The following LRRC7 variants were observed in gnomAD, a reference collection of about 807,000 sequenced individuals.
LRRC7 encodes leucine rich repeat containing 7, also known as leucine-rich repeat-containing protein 7.
Under a neutral mutation model 175.7 loss-of-function variants are expected in LRRC7, and 23 were observed. The ratio of observed to expected loss-of-function variants is 0.13; its 90% CI spans 0.09 to 0.19. The LOEUF (loss-of-function observed/expected upper bound fraction) is 0.19. Ranked by LOEUF, LRRC7 falls within the 10% of genes least tolerant of loss-of-function variation. LRRC7 has a pLI of 1.00. For synonymous variants in LRRC7, 685 were observed against 680.9 expected, an observed-to-expected ratio of 1.01 and a Z score of -0.09; for missense variants, 1,354 against 1,904.7, an observed-to-expected ratio of 0.71 and a Z score of 5.38.
At chr1:69,967,933 A>G (rs779111069) in intron 8 of LRRC7, among the ~76,000 whole-genome samples, 36 of 152,258 alleles carry the variant, frequency 2.4e-4, no homozygotes, top group Non-Finnish European at 4.3e-4. Context: ...CTCACCAGCA[A>G]TGGATCCAAA....
chr1:69,796,763 C>T (rs942551111), intron 4 of LRRC7, among the ~76,000 whole-genome samples: 13 of 151,880 alleles, frequency 8.6e-5, no homozygotes, highest in African/African-American at 3.1e-4. Context: ...CATTGCACTC[C>T]AGCCTGGGCA....
chr1:69,680,475 G>A (rs1253684659), intron 2 of LRRC7, among the ~76,000 whole-genome samples: 2 of 152,074 alleles, frequency 1.3e-5, no homozygotes, highest in African/African-American at 2.4e-5. Context: ...GGATTGTGAC[G>A]ATCAGGGAAG....
chr1:69,889,163 T>G (rs914408088), intron 7 of LRRC7, among the ~76,000 whole-genome samples: 1 of 152,220 alleles, frequency 6.6e-6, no homozygotes, highest in Admixed American at 6.5e-5. Flanking sequence ...AGAGGGTCTT[T>G]CCTTGATGTT....
intron 1 of LRRC7, among the ~76,000 whole-genome samples, chr1:69,610,722 A>G (rs1037366458): frequency 6.6e-6 from 1 of 152,074 alleles, no homozygotes; most frequent in African/African-American, 2.4e-5. Flanking sequence ...TTAATGTAAC[A>G]AGAAAACACA....
At chr1:70,086,942 A>G (rs1369668024) in intron 24 of LRRC7, among the ~76,000 whole-genome samples, 1 of 152,060 alleles carries the variant, frequency 6.6e-6, no homozygotes, top group Non-Finnish European at 1.5e-5. Flanking sequence ...GGCAGGTGGA[A>G]CTACTTATAT....
intron 1 of LRRC7, among the ~76,000 whole-genome samples, chr1:69,592,146 G>A (rs747241423): frequency 9.9e-5 from 15 of 151,736 alleles, no homozygotes; most frequent in East Asian, 1.9e-4. Flanking sequence ...TAACTCTCTC[G>A]TTTTATCTTT....
intron 3 of LRRC7, among the ~76,000 whole-genome samples, chr1:69,781,349 C>T (rs1044733341): frequency 5.9e-5 from 9 of 151,852 alleles, no homozygotes; most frequent in African/African-American, 2.2e-4. Context: ...TTCCAAAGCT[C>T]AGATCTGATC....
At chr1:70,064,863 G>T (rs920916075) in intron 23 of LRRC7, among the ~76,000 whole-genome samples, 1 of 151,814 alleles carries the variant, frequency 6.6e-6, no homozygotes, top group Admixed American at 6.6e-5. Flanking sequence ...GTGAATCTCA[G>T]AACAAAAAGA....
chr1:69,810,719 T>C (rs556331584), intron 4 of LRRC7, among the ~76,000 whole-genome samples: 67 of 152,336 alleles, frequency 4.4e-4, no homozygotes, highest in African/African-American at 1.6e-3. Context: ...TGGCTAGCCA[T>C]ATGCAGAAAA....
intron 7 of LRRC7, among the ~76,000 whole-genome samples, chr1:69,913,222 A>G (rs1388120051): frequency 6.6e-6 from 1 of 152,194 alleles, no homozygotes. Flanking sequence ...GGTCTTTCCA[A>G]TATTCTTTCA....
intron 1 of LRRC7, among the ~76,000 whole-genome samples, chr1:69,589,574 A>C (rs957960695): frequency 6.6e-6 from 1 of 152,104 alleles, no homozygotes; most frequent in Non-Finnish European, 1.5e-5. Context: ...AGGTTTGTAG[A>C]CTTCCAGGGT....
At chr1:69,677,865 A>G (rs1215753726) in intron 1 of LRRC7, among the ~76,000 whole-genome samples, 1 of 152,068 alleles carries the variant, frequency 6.6e-6, no homozygotes, top group Non-Finnish European at 1.5e-5. Context: ...GTGCTGATAA[A>G]TTTGGTTCCT....
At position 70,135,131 on chromosome 1, in the gene LRRC7, T is replaced by C. The variant is rs1380632717; in HGVS notation, c.*13244T>C. On this transcript the variant is annotated 3_prime_UTR_variant, in exon 27 of 27. Transcript: ENST00000651989. The stretch of plus-strand genomic sequence containing the variant: ...TATTTCTTTTTTCCTTTCTTTTCTT[T>C]TGCACTACCTCAGATTTTTGGTATC... 1.3e-5 allele frequency among the ~76,000 whole-genome samples: 2 copies of C among 152,186 alleles called. No individual in the cohort carries two copies. Among genetic ancestry groups the C allele is most frequent in the African/African-American group, 2.4e-5 (1 of 41,436 alleles).
intron 7 of LRRC7, among the ~76,000 whole-genome samples, chr1:69,925,386 T>C (rs1179837657): frequency 1.3e-5 from 2 of 152,198 alleles, no homozygotes; most frequent in African/African-American, 4.8e-5. Flanking sequence ...TACCAGTTCC[T>C]CCTTGTAGCT....
intron 1 of LRRC7, among the ~76,000 whole-genome samples, chr1:69,617,463 C>A (rs762004553): frequency 7.4e-6 from 1 of 135,228 alleles, no homozygotes; most frequent in Non-Finnish European, 1.5e-5. Context: ...TTTTGGGAGT[C>A]ATTTATAAGA....
intron 3 of LRRC7, among the ~76,000 whole-genome samples, chr1:69,762,739 AT>A (rs920754487): frequency 6.6e-6 from 1 of 152,080 alleles, no homozygotes; most frequent in Non-Finnish European, 1.5e-5. Context: ...TGGAAGAGAA[AT>A]TTTAAGATAT....
At chr1:69,617,877 G>A (rs986372867) in intron 1 of LRRC7, among the ~76,000 whole-genome samples, 4 of 152,056 alleles carry the variant, frequency 2.6e-5, no homozygotes, top group African/African-American at 7.2e-5. Context: ...ACGTGGGCCT[G>A]CAGCCCACAA....
At chr1:69,596,405 C>G (rs1461423222) in intron 1 of LRRC7, among the ~76,000 whole-genome samples, 3 of 152,150 alleles carry the variant, frequency 2.0e-5, no homozygotes, top group Non-Finnish European at 2.9e-5. Context: ...TGCCTATATT[C>G]CTGCATGTAA....
At chr1:69,629,183 T>A (rs1261037130) in intron 1 of LRRC7, among the ~76,000 whole-genome samples, 1 of 152,018 alleles carries the variant, frequency 6.6e-6, no homozygotes, top group Non-Finnish European at 1.5e-5. Flanking sequence ...GGCAACAAAC[T>A]GGGAGAAAAT....
Sources: gnomAD v4.1 joint callset for allele counts (sites outside exome capture counted in the v4.1 genomes callset) on GRCh38, gnomAD v4.1.1 for gene constraint, MANE v1.5 for transcripts, NCBI Gene and HGNC (gene_info 2026-07-23, HGNC 2026-07-21) for gene names.